Variants in PIEZO2 observed in about 807,000 individuals in gnomAD.
The protein encoded by PIEZO2 is piezo type mechanosensitive ion channel component 2.
PIEZO2 carries 172 observed loss-of-function variants against 337.3 expected under a neutral mutation model. The ratio of observed to expected loss-of-function variants is 0.51; its 90% CI spans 0.45 to 0.58. The LOEUF (loss-of-function observed/expected upper bound fraction) is 0.58, where lower values mean the gene tolerates loss of function less well. PIEZO2 is among the 20% of genes least tolerant of loss of function. PIEZO2 has a pLI of 0.00. For missense variants in PIEZO2, 3,028 were observed against 3,391.3 expected (o/e 0.89, Z 2.66); for synonymous variants, 1,251 against 1,228.5 (o/e 1.02, Z -0.38).
chr18:10,760,209 G>A (rs1028572092), intron 24 of PIEZO2, among the ~76,000 whole-genome samples: 22 of 152,296 alleles, frequency 1.4e-4, no homozygotes, highest in Middle Eastern at 6.8e-3. Flanking sequence ...ATTCTATGAA[G>A]GCACAGGCAC....
intron 2 of PIEZO2, among the ~76,000 whole-genome samples, chr18:11,015,634 G>A (rs1295567727): frequency 6.6e-6 from 1 of 152,108 alleles, no homozygotes; most frequent in Non-Finnish European, 1.5e-5. Flanking sequence ...CTAAAGGGGT[G>A]GGCCCCTTTC....
rs2043103573 is a variant in PIEZO2 at position 10,903,593 on chromosome 18, C to A, written c.329+7593G>T. 6.6e-6 allele frequency among the ~76,000 whole-genome samples: 1 copy of A among 152,012 alleles called. No individual in the cohort carries two copies. The highest frequency in any genetic ancestry group is 1.5e-5 in the Non-Finnish European group (1 of 67,998). The stretch of plus-strand genomic sequence containing the variant: ...GCTGAGGCAGGAGAATGGCATGAAC[C>A]CAGGAGGAGGCAGAGCTTGCAGTGA... On this transcript the variant is annotated intron_variant, in intron 4 of 55. Coordinates refer to ENST00000674853, the MANE Select transcript of PIEZO2 (RefSeq NM_001378183.1). This position sits in a 1 kb window ranked among gnomAD's most constrained non-coding sequence, Gnocchi z 4.1.
chr18:10,775,868 C>T lies in PIEZO2; in HGVS notation c.2535-1830G>A, dbSNP rs541716851. Among the ~76,000 whole-genome samples, 2 of 151,896 alleles carry T rather than the reference C, an allele frequency of 1.3e-5. No homozygotes were observed. The highest frequency in any genetic ancestry group is 2.9e-5 in the Non-Finnish European group (2 of 68,008). On this transcript the variant is annotated intron_variant, in intron 18 of 55. Transcript: ENST00000674853. This position sits in a 1 kb window ranked among gnomAD's most constrained non-coding sequence, Gnocchi z 4.3. ...TGACCTTAGAGCCACAAACTCCAGA[C>T]CCTCTCTGGAGCAGTCTAACCTCAT...
At chr18:11,017,469 A>C (rs751269702) in intron 2 of PIEZO2, among the ~76,000 whole-genome samples, 8 of 144,580 alleles carry the variant, frequency 5.5e-5, no homozygotes, top group Admixed American at 2.1e-4. Flanking sequence ...TTTTTTTTTG[A>C]GATGCAGTTT....
At chr18:11,079,497 C>G (rs574937560) in intron 1 of PIEZO2, among the ~76,000 whole-genome samples, 2 of 152,304 alleles carry the variant, frequency 1.3e-5, no homozygotes, top group East Asian at 3.9e-4. Context: ...CCAATTCTAG[C>G]CAAACTCCCC....
chr18:10,888,165 T>C lies in PIEZO2; in HGVS notation c.330-16750A>G, dbSNP rs1430468239. 1.3e-5 allele frequency among the ~76,000 whole-genome samples: 2 copies of C among 152,228 alleles called. No individual in the cohort carries two copies. Among genetic ancestry groups the C allele is most frequent in the Non-Finnish European group, 2.9e-5 (2 of 68,040 alleles). On this transcript the variant is annotated intron_variant, in intron 4 of 55. Transcript: ENST00000674853. The surrounding 1 kb of genome is among the most constrained non-coding windows in gnomAD (Gnocchi z 4.1). ...TTGGCTGCAAGTAAGCACTTGCAAG[T>C]AAGCACTTCCTCTTACCTCCAATAA...
intron 2 of PIEZO2, among the ~76,000 whole-genome samples, chr18:11,062,864 G>C (rs868069356): frequency 6.6e-6 from 1 of 152,116 alleles, no homozygotes; most frequent in South Asian, 2.1e-4. Flanking sequence ...ATTCCTCAGG[G>C]ATCTAGAACT....
intron 4 of PIEZO2, among the ~76,000 whole-genome samples, chr18:10,876,815 CACCTA>C (rs2042281050): frequency 6.6e-6 from 1 of 152,172 alleles, no homozygotes; most frequent in Non-Finnish European, 1.5e-5. Context: ...GCCCATCATC[CACCTA>C]ATGCAACAGG....
At chr18:11,098,218 A>G (rs1403143452) in intron 1 of PIEZO2, among the ~76,000 whole-genome samples, 30 of 151,780 alleles carry the variant, frequency 2.0e-4, no homozygotes, top group Non-Finnish European at 2.9e-5. Flanking sequence ...GAAAATATTG[A>G]TACTTTGGAA....
intron 18 of PIEZO2, among the ~76,000 whole-genome samples, chr18:10,779,166 G>C (rs1568047076): frequency 6.6e-6 from 1 of 152,120 alleles, no homozygotes; most frequent in African/African-American, 2.4e-5. Context: ...AAGTGACTCT[G>C]CTTTTCATAC....
chr18:10,707,622 T>C lies in PIEZO2; in HGVS notation c.5588+653A>G, dbSNP rs181177933. Among the ~76,000 whole-genome samples, 189 of 152,350 alleles carry C rather than the reference T, an allele frequency of 1.2e-3. No individual in the cohort carries two copies. The highest frequency in any genetic ancestry group is 2.3e-3 in the Non-Finnish European group (155 of 68,034). On this transcript the variant is annotated intron_variant, in intron 40 of 55. Transcript: ENST00000674853. The surrounding 1 kb of genome is among the most constrained non-coding windows in gnomAD (Gnocchi z 4.2). ...GAGTTTTCGGGTTGTATGCAAATAA[T>C]TTTATTTCTAAATGAATACTGTTTT...
Position 11,083,053 on chromosome 18 carries a change from G to T in PIEZO2, c.65-16831C>A, listed in dbSNP as rs2038805316. ...CTTATGGATGTGGACATCACCTCTT[G>T]ATTCTGCAGAGTTCACTTAGGCCGT... On this transcript the variant is annotated intron_variant, in intron 1 of 55. Coordinates refer to ENST00000674853, the MANE Select transcript of PIEZO2 (RefSeq NM_001378183.1). The surrounding 1 kb of genome is among the most constrained non-coding windows in gnomAD (Gnocchi z 4.4). Among the ~76,000 whole-genome samples, 1 of 152,184 alleles carries T rather than the reference G, an allele frequency of 6.6e-6. No homozygotes were observed. The highest frequency in any genetic ancestry group is 2.4e-5 in the African/African-American group (1 of 41,448).
At chr18:10,800,781 C>G (rs896729474) in intron 10 of PIEZO2, among the ~76,000 whole-genome samples, 1 of 151,366 alleles carries the variant, frequency 6.6e-6, no homozygotes, top group Non-Finnish European at 1.5e-5. Flanking sequence ...CTGAAGGAGG[C>G]CTTCAAGATT....
chr18:10,785,136 A>T (rs2039174131), intron 16 of PIEZO2, among the ~76,000 whole-genome samples, 179 bp from the exon 17 acceptor site: 1 of 152,202 alleles, frequency 6.6e-6, no homozygotes, highest in South Asian at 2.1e-4. Context: ...ACCTACTTTA[A>T]CAATGGTCAA....
At chr18:10,829,894 C>A (rs2144528843) in intron 7 of PIEZO2, among the ~76,000 whole-genome samples, 1 of 151,430 alleles carries the variant, frequency 6.6e-6, no homozygotes, top group Admixed American at 6.6e-5. Context: ...TCAGTGCAAT[C>A]CATATAAAAA....
intron 4 of PIEZO2, among the ~76,000 whole-genome samples, chr18:10,884,213 G>A (rs890657337): frequency 6.6e-6 from 1 of 152,212 alleles, no homozygotes; most frequent in Non-Finnish European, 1.5e-5. Flanking sequence ...GATTAATCCA[G>A]TTGTCGCAAA....
At chr18:10,876,522 T>C (rs918640586) in intron 4 of PIEZO2, among the ~76,000 whole-genome samples, 22 of 152,326 alleles carry the variant, frequency 1.4e-4, no homozygotes, top group Non-Finnish European at 2.4e-4. Flanking sequence ...CATTTAGTTT[T>C]TAATAAGTCT....
chr18:11,119,622 T>G (rs1042243132), intron 1 of PIEZO2, among the ~76,000 whole-genome samples: 21 of 152,152 alleles, frequency 1.4e-4, no homozygotes, highest in Non-Finnish European at 2.5e-4. Flanking sequence ...TAGCAGGGGT[T>G]TAGAGTAGGG....
Position 10,859,560 on chromosome 18 carries a change from T to C in PIEZO2, c.493-2349A>G, listed in dbSNP as rs896930422. Among the ~76,000 whole-genome samples the C allele has an allele frequency of 1.1e-4, 17 of 152,378 alleles. No homozygotes were observed. Among genetic ancestry groups the C allele is most frequent in the African/African-American group, 3.6e-4 (15 of 41,594 alleles). On this transcript the variant is annotated intron_variant, in intron 5 of 55. Transcript: ENST00000674853. This position sits in a 1 kb window ranked among gnomAD's most constrained non-coding sequence, Gnocchi z 4.9. ...CTCTCCTGCATCACAATGTGCTTTCTTTCTGCTGGATCACCCCTGTTAACA... is the reference window on the plus strand; with the variant it reads ...CTCTCCTGCATCACAATGTGCTTTCCTTCTGCTGGATCACCCCTGTTAACA...
Sources: allele counts gnomAD v4.1 joint callset (sites outside exome capture counted in the v4.1 genomes callset), GRCh38; gene constraint gnomAD v4.1.1; non-coding constraint Gnocchi (gnomAD v3.1); transcripts MANE v1.5; gene names NCBI Gene and HGNC (gene_info 2026-07-23, HGNC 2026-07-21).